The following USP34 variants were observed in gnomAD, a reference collection of about 807,000 sequenced individuals.
USP34 encodes ubiquitin specific peptidase 34, also known as ubiquitin carboxyl-terminal hydrolase 34.
In USP34, 70 loss-of-function variants were observed where a neutral mutation model predicts 460.3. The observed-to-expected ratio is 0.15, with a 90% CI of 0.13 to 0.19. USP34 has a LOEUF of 0.19. Ranked by LOEUF, USP34 falls within the 10% of genes least tolerant of loss-of-function variation. The pLI, the probability that USP34 is intolerant of heterozygous loss-of-function variation, is 1.00. For synonymous variants in USP34, 1,647 were observed against 1,405.3 expected (o/e 1.17, Z -3.85); for missense variants, 3,985 against 4,236.2 (o/e 0.94, Z 1.65).
chr2:61,343,144 T>C (rs1691657689), intron 16 of USP34, among the ~76,000 whole-genome samples: 1 of 152,254 alleles, frequency 6.6e-6, no homozygotes, highest in African/African-American at 2.4e-5. Context: ...ACCCATTTAC[T>C]AGGCCAGCAT....
At chr2:61,305,083 T>C (rs951463337) in intron 27 of USP34, among the ~76,000 whole-genome samples, 4 of 152,272 alleles carry the variant, frequency 2.6e-5, no homozygotes, top group African/African-American at 7.2e-5. Flanking sequence ...CCCAGCACTT[T>C]GGGAGGCCGA....
At chr2:61,346,296 A>G (rs1216923032) in intron 15 of USP34, 2 of 151,644 alleles carry the variant, frequency 1.3e-5, no homozygotes, top group Admixed American at 6.6e-5. Flanking sequence ...CGGCAAAAGC[A>G]CTGAGGTCTG....
At chr2:61,424,811 C>G (rs1448713953) in intron 1 of USP34, among the ~76,000 whole-genome samples, 1 of 151,950 alleles carries the variant, frequency 6.6e-6, no homozygotes, top group African/African-American at 2.4e-5. Context: ...TCAGGAAATC[C>G]AAACTGTAGT....
chr2:61,271,146 A>G (rs1689201564), intron 41 of USP34, among the ~76,000 whole-genome samples: 2 of 152,002 alleles, frequency 1.3e-5, no homozygotes, highest in Non-Finnish European at 2.9e-5. Context: ...CAACAACAAC[A>G]AAAATTTAGC....
At chr2:61,221,650 C>T (rs1474330184) in intron 65 of USP34, 44 bp from the exon 66 acceptor site, 1 of 1,562,902 alleles carries the variant, frequency 6.4e-7, no homozygotes, top group Non-Finnish European at 8.8e-7. Flanking sequence ...CAATCTGAAC[C>T]CATCTCCTTC....
chr2:61,200,652 A>ATG (rs762221756), intron 75 of USP34: 4 of 152,310 alleles, frequency 2.6e-5, no homozygotes, highest in Admixed American at 6.5e-5. Flanking sequence ...GCCCTTGGAC[A>ATG]TGTAACCTCA....
chr2:61,439,194 T>C (rs1221772020), intron 1 of USP34, among the ~76,000 whole-genome samples: 2 of 152,210 alleles, frequency 1.3e-5, no homozygotes, highest in Non-Finnish European at 2.9e-5. Flanking sequence ...GGACGATTAC[T>C]TGAGCTCAGC....
intron 26 of USP34, 25 bp from the exon 27 acceptor site, chr2:61,311,712 T>A (rs538459997): frequency 6.2e-7 from 1 of 1,607,726 alleles, no homozygotes; most frequent in East Asian, 2.2e-5. Context: ...GCAACCAATT[T>A]AAAAATACAA....
intron 1 of USP34, among the ~76,000 whole-genome samples, chr2:61,456,690 C>T (rs961136644): frequency 1.3e-5 from 2 of 151,940 alleles, no homozygotes; most frequent in African/African-American, 2.4e-5. Context: ...TGGTGGTTCA[C>T]GCCTATAATC....
intron 15 of USP34, 148 bp from the exon 16 acceptor site, chr2:61,344,177 C>T (rs901617882): frequency 5.1e-5 from 36 of 707,368 alleles, no homozygotes; most frequent in African/African-American, 1.6e-4. Context: ...GAGAGCTTTA[C>T]GAAACTGAAA....
intron 27 of USP34, among the ~76,000 whole-genome samples, chr2:61,302,972 C>T (rs190860203): frequency 1.3e-5 from 2 of 152,178 alleles, no homozygotes; most frequent in African/African-American, 4.8e-5. Flanking sequence ...AACATCTTTA[C>T]AATATTCTGT....
chr2:61,396,981 T>G (rs1446399210), intron 3 of USP34, among the ~76,000 whole-genome samples: 1 of 152,168 alleles, frequency 6.6e-6, no homozygotes, highest in African/African-American at 2.4e-5. Context: ...GAATCTTACA[T>G]ACAGACAAAA....
chr2:61,467,230 GAGGC>G (rs1558612711), intron 1 of USP34, among the ~76,000 whole-genome samples: 1 of 151,996 alleles, frequency 6.6e-6, no homozygotes, highest in Non-Finnish European at 1.5e-5. Context: ...TGAACCCAGG[GAGGC>G]AGAGGTTGTA....
intron 2 of USP34, among the ~76,000 whole-genome samples, chr2:61,415,217 G>A (rs1694159017): frequency 6.6e-6 from 1 of 152,068 alleles, no homozygotes; most frequent in African/African-American, 2.4e-5. Context: ...TGAAGAGAAG[G>A]TAGTAACTCT....
chr2:61,353,362 T>A (rs184817344), intron 10 of USP34, among the ~76,000 whole-genome samples: 2 of 151,004 alleles, frequency 1.3e-5, no homozygotes, highest in Non-Finnish European at 2.9e-5. Context: ...AAAATATACC[T>A]GAAGTCCACC....
intron 67 of USP34, among the ~76,000 whole-genome samples, chr2:61,218,360 C>T (rs1464372359): frequency 6.7e-6 from 1 of 149,870 alleles, no homozygotes; most frequent in Admixed American, 6.6e-5. Flanking sequence ...GTGCCCATGC[C>T]AATCCATGTG....
chr2:61,451,851 AAATTT>A (rs1405522536), intron 1 of USP34, among the ~76,000 whole-genome samples: 1 of 152,112 alleles, frequency 6.6e-6, no homozygotes, highest in Non-Finnish European at 1.5e-5. Flanking sequence ...ATAAAAAATT[AAATTT>A]AACAAATCCA....
chr2:61,319,511 G>T (rs888234769), intron 21 of USP34, among the ~76,000 whole-genome samples, 184 bp from the exon 22 acceptor site: 1 of 149,754 alleles, frequency 6.7e-6, no homozygotes. Context: ...ATAAATAAGA[G>T]TTATGTTCCT....
At chr2:61,299,904 T>C (rs549430348) in intron 29 of USP34, among the ~76,000 whole-genome samples, 12 of 152,370 alleles carry the variant, frequency 7.9e-5, no homozygotes, top group African/African-American at 2.4e-4. Context: ...GGCATCTATC[T>C]ATCCTTCAGC....
Sources: gnomAD v4.1 joint callset for allele counts (sites outside exome capture counted in the v4.1 genomes callset) on GRCh38, gnomAD v4.1.1 for gene constraint, MANE v1.5 for transcripts, NCBI Gene and HGNC (gene_info 2026-07-23, HGNC 2026-07-21) for gene names.